Variants in IMMP2L observed in about 807,000 individuals in gnomAD.
IMMP2L encodes the protein mitochondrial inner membrane protease subunit 2.
In IMMP2L, 18 loss-of-function variants were observed where a neutral mutation model predicts 19.3. That is an observed-to-expected ratio of 0.93 (90% CI 0.64 to 1.38). The LOEUF is 1.38. Ranked by LOEUF, IMMP2L falls within the 40% of genes most tolerant of loss-of-function variation. The probability of loss-of-function intolerance (pLI) is 0.00; values close to 1 mark genes in which losing one functional copy is unlikely to be tolerated. For missense variants in IMMP2L, 233 were observed against 218.2 expected, an observed-to-expected ratio of 1.07 and a Z score of -0.43; for synonymous variants, 76 against 73.0, an observed-to-expected ratio of 1.04 and a Z score of -0.21.
chr7:110,994,968 A>C (rs948922711), intron 3 of IMMP2L, among the ~76,000 whole-genome samples: 8 of 152,130 alleles, frequency 5.3e-5, no homozygotes, highest in African/African-American at 1.9e-4. Flanking sequence ...TAAGAAAATA[A>C]ATCTTCCCAG....
intron 3 of IMMP2L, among the ~76,000 whole-genome samples, chr7:111,310,950 G>C (rs1178317679): frequency 2.0e-5 from 3 of 152,188 alleles, no homozygotes; most frequent in Admixed American, 1.3e-4. Flanking sequence ...CGCAAGGCAA[G>C]TAGGTGAGTA....
chr7:111,130,779 C>T (rs1021302235), intron 3 of IMMP2L, among the ~76,000 whole-genome samples: 5 of 151,870 alleles, frequency 3.3e-5, no homozygotes, highest in South Asian at 2.1e-4. Context: ...CAAAAGAATA[C>T]GATATAAAAT....
chr7:110,804,777 C>T (rs950404540), intron 5 of IMMP2L, among the ~76,000 whole-genome samples: 3 of 152,160 alleles, frequency 2.0e-5, no homozygotes, highest in Admixed American at 6.5e-5. Flanking sequence ...AATCCAGCTT[C>T]GGCCATGCTA....
intron 3 of IMMP2L, among the ~76,000 whole-genome samples, chr7:111,019,034 A>G (rs1256859204): frequency 6.6e-6 from 1 of 152,114 alleles, no homozygotes; most frequent in African/African-American, 2.4e-5. Context: ...ATACACTGTA[A>G]TGACTAGTTA....
At chr7:111,148,908 T>C (rs555649347) in intron 3 of IMMP2L, among the ~76,000 whole-genome samples, 18 of 152,176 alleles carry the variant, frequency 1.2e-4, no homozygotes, top group Non-Finnish European at 2.1e-4. Context: ...AGCTATTCTA[T>C]GAGGTTGGGA....
intron 3 of IMMP2L, among the ~76,000 whole-genome samples, chr7:111,351,657 G>T (rs949446562): frequency 6.6e-6 from 1 of 152,062 alleles, no homozygotes; most frequent in African/African-American, 2.4e-5. Context: ...GATAAAAATT[G>T]TTAAATAAGT....
At chr7:111,038,630 C>T (rs982116552) in intron 3 of IMMP2L, among the ~76,000 whole-genome samples, 14 of 152,068 alleles carry the variant, frequency 9.2e-5, no homozygotes, top group African/African-American at 3.4e-4. Context: ...GGGCATAAAA[C>T]TATACAACTT....
intron 3 of IMMP2L, among the ~76,000 whole-genome samples, chr7:111,371,945 T>C (rs564166294): frequency 2.6e-5 from 4 of 152,112 alleles, no homozygotes; most frequent in Non-Finnish European, 5.9e-5. Flanking sequence ...TAACTGGTAT[T>C]CTTCAAACTG....
intron 2 of IMMP2L, among the ~76,000 whole-genome samples, chr7:111,503,036 G>C (rs1443040196): frequency 2.6e-5 from 4 of 151,858 alleles, no homozygotes; most frequent in African/African-American, 9.7e-5. Context: ...CCAGGAGCTG[G>C]TTTTTTGAAA....
intron 3 of IMMP2L, among the ~76,000 whole-genome samples, chr7:111,319,383 T>G (rs1434076623): frequency 6.6e-6 from 1 of 152,082 alleles, no homozygotes; most frequent in Non-Finnish European, 1.5e-5. Flanking sequence ...CTCCAATATG[T>G]TCCAAATATA....
intron 5 of IMMP2L, among the ~76,000 whole-genome samples, chr7:110,785,514 A>T (rs34856804): frequency 2.6e-5 from 4 of 151,432 alleles, no homozygotes; most frequent in Non-Finnish European, 5.9e-5. Context: ...AAGGCACTGG[A>T]CTTCCCATAG....
chr7:110,663,756 G>A (rs1584432701), intron 5 of IMMP2L, 35 bp from the exon 6 acceptor site: 1 of 1,444,282 alleles, frequency 6.9e-7, no homozygotes, highest in East Asian at 2.5e-5. Context: ...AAGCAATAAA[G>A]AGATCATTTT....
chr7:111,344,701 C>T (rs1827360899), intron 3 of IMMP2L, among the ~76,000 whole-genome samples: 1 of 152,142 alleles, frequency 6.6e-6, no homozygotes, highest in Non-Finnish European at 1.5e-5. Flanking sequence ...TGGATAAATG[C>T]CTTCTGTTTT....
chr7:110,786,038 C>A (rs965295860), intron 5 of IMMP2L, among the ~76,000 whole-genome samples: 2 of 151,628 alleles, frequency 1.3e-5, no homozygotes, highest in Admixed American at 6.6e-5. Context: ...TAAATGAAAA[C>A]GATGAATTCA....
intron 2 of IMMP2L, among the ~76,000 whole-genome samples, chr7:111,507,028 G>C (rs1010797932): frequency 2.0e-5 from 3 of 151,966 alleles, no homozygotes; most frequent in African/African-American, 7.2e-5. Flanking sequence ...TTTTAGTAGA[G>C]ACAGAGTTTC....
chr7:111,013,051 A>G (rs940740475), intron 3 of IMMP2L, among the ~76,000 whole-genome samples: 108 of 152,234 alleles, frequency 7.1e-4, no homozygotes, highest in Admixed American at 1.8e-3. Context: ...TATGATTCCT[A>G]AATTCATGAA....
At chr7:110,700,880 T>A (rs1794237897) in intron 5 of IMMP2L, among the ~76,000 whole-genome samples, 1 of 152,236 alleles carries the variant, frequency 6.6e-6, no homozygotes, top group African/African-American at 2.4e-5. Context: ...TATAATTTAA[T>A]TTTGTATGTG....
chr7:110,670,699 A>AC (rs1237994605), intron 5 of IMMP2L, among the ~76,000 whole-genome samples: 14 of 150,162 alleles, frequency 9.3e-5, no homozygotes, highest in South Asian at 2.1e-4. Flanking sequence ...CAAAAAAAAA[A>AC]AAAAACAAAA....
intron 1 of IMMP2L, among the ~76,000 whole-genome samples, chr7:111,550,808 T>C (rs1313484424): frequency 6.6e-6 from 1 of 152,108 alleles, no homozygotes; most frequent in South Asian, 2.1e-4. Flanking sequence ...TGTAGCCTGC[T>C]TATCCTCTAA....
Sources: gnomAD v4.1 joint callset for allele counts (sites outside exome capture counted in the v4.1 genomes callset) on GRCh38, gnomAD v4.1.1 for gene constraint, MANE v1.5 for transcripts, NCBI Gene and HGNC (gene_info 2026-07-23, HGNC 2026-07-21) for gene names.